Variants in HOXB3 observed in about 807,000 individuals in gnomAD.
HOXB3 encodes homeobox B3.
HOXB3 carries 17 observed loss-of-function variants against 29.2 expected under a neutral mutation model. The ratio of observed to expected loss-of-function variants is 0.58; its 90% CI spans 0.40 to 0.87. The LOEUF (loss-of-function observed/expected upper bound fraction) is 0.87, where lower values mean the gene tolerates loss of function less well. Ranked by LOEUF, HOXB3 falls within the 40% of genes least tolerant of loss-of-function variation. HOXB3 has a pLI of 0.00. For synonymous variants in HOXB3, 317 were observed against 285.9 expected (o/e 1.11, Z -1.10); for missense variants, 637 against 616.3 (o/e 1.03, Z -0.35).
chr17:48,587,024 C>T (rs190698104), intron 1 of HOXB3, among the ~76,000 whole-genome samples: 41 of 152,206 alleles, frequency 2.7e-4, no homozygotes, highest in African/African-American at 7.7e-4. Context: ...TTTAATCCCC[C>T]ACCCCGCCAA....
chr17:48,568,822 G>T (rs1163548665), intron 2 of HOXB3, among the ~76,000 whole-genome samples: 1 of 152,130 alleles, frequency 6.6e-6, no homozygotes, highest in Non-Finnish European at 1.5e-5. Flanking sequence ...GCCTCAATGG[G>T]CATAAACACA....
chr17:48,573,595 T>C (rs915157036), intron 2 of HOXB3, among the ~76,000 whole-genome samples: 2 of 152,178 alleles, frequency 1.3e-5, no homozygotes, highest in Admixed American at 1.3e-4. Flanking sequence ...TCATGGGCCC[T>C]GACACCTCAG....
At chr17:48,576,459 TTC>T (rs1468450160) in intron 1 of HOXB3, 2 of 383,552 alleles carry the variant, frequency 5.2e-6, no homozygotes, top group East Asian at 3.9e-5. Context: ...TTCTTGCTTT[TTC>T]TTTTTCTTTT....
chr17:48,550,053 A>C lies in HOXB3; in HGVS notation c.*281T>G. The C allele has an allele frequency of 1.3e-5, 5 of 393,368 alleles. No homozygotes were observed. The highest frequency in any genetic ancestry group is 5.0e-5 in the East Asian group (1 of 20,196). The allele number at this position is 393,368 out of a possible 1,614,324, so 24.4% of individuals were successfully genotyped here. On this transcript the variant is annotated 3_prime_UTR_variant, in exon 5 of 5. Transcript: ENST00000498678. ...CCTCTACCCCACTCCCGGGCGTGGA[A>C]TTCCAACTTGGTAGTGCTGGAGCCC...
chr17:48,574,096 T>C (rs1310962653), intron 1 of HOXB3, 82 bp from the exon 2 acceptor site: 7 of 558,742 alleles, frequency 1.3e-5, no homozygotes, highest in African/African-American at 9.5e-5. Context: ...TTCTCACATT[T>C]TTCTTAGCTC....
intron 1 of HOXB3, chr17:48,580,500 A>C (rs9893371): frequency 0.053 from 8,047 of 152,060 alleles, 285 homozygotes; most frequent in African/African-American, 0.1. Flanking sequence ...GGAAAAATTC[A>C]GTGGTAAAAA....
intron 1 of HOXB3, among the ~76,000 whole-genome samples, chr17:48,589,060 G>A (rs963308714): frequency 7.9e-5 from 12 of 152,124 alleles, no homozygotes; most frequent in African/African-American, 2.9e-4. Flanking sequence ...AATTTGGTGG[G>A]GAAGAAGCCT....
chr17:48,582,602 C>T (rs899253294), intron 1 of HOXB3: 7 of 152,206 alleles, frequency 4.6e-5, no homozygotes, highest in Admixed American at 3.3e-4. Flanking sequence ...CCAGCCTCCC[C>T]CACGAGCAGG....
intron 2 of HOXB3, among the ~76,000 whole-genome samples, chr17:48,567,083 A>G (rs1295001922): frequency 6.6e-6 from 1 of 152,028 alleles, no homozygotes; most frequent in Non-Finnish European, 1.5e-5. Flanking sequence ...CAGTGCCTCT[A>G]CCCATCCCAG....
chr17:48,580,602 G>A (rs1270022926), intron 1 of HOXB3: 1 of 152,186 alleles, frequency 6.6e-6, no homozygotes, highest in Non-Finnish European at 1.5e-5. Context: ...TACAACCTGA[G>A]AAAAGATCAA....
Position 48,552,193 on chromosome 17 carries a change from G to A in HOXB3, c.282C>T (p.Ala94=). 13 of 1,613,576 alleles carry A rather than the reference G, an allele frequency of 8.1e-6. No individual in the cohort carries two copies. The highest frequency in any genetic ancestry group is 1.3e-5 in the African/African-American group (1 of 75,042). ...TGTTGCTAGTGGCACTGGTAGGTGCGGCACTGGGCGGGGGTGAGCCAGGCG... is the reference window on the plus strand; with the variant it reads ...TGTTGCTAGTGGCACTGGTAGGTGCAGCACTGGGCGGGGGTGAGCCAGGCG... ...SAPPGSPPPS[A]APTSATSNSS... Residue 94 remains alanine (A), a synonymous_variant, in exon 4 of 5, where the codon GCC becomes GCT. Transcript: ENST00000498678.
chr17:48,568,681 C>T (rs1026129976), intron 2 of HOXB3, among the ~76,000 whole-genome samples: 12 of 151,794 alleles, frequency 7.9e-5, no homozygotes, highest in Admixed American at 2.6e-4. Flanking sequence ...GCTGGCATGC[C>T]GGCTGAGAAG....
chr17:48,584,701 C>T (rs1044601812), intron 1 of HOXB3, among the ~76,000 whole-genome samples: 2 of 152,188 alleles, frequency 1.3e-5, no homozygotes, highest in Non-Finnish European at 2.9e-5. Context: ...GGGTTCACCA[C>T]ACCCTTAAGC....
At chr17:48,569,651 C>T (rs749691100) in intron 2 of HOXB3, among the ~76,000 whole-genome samples, 15 of 152,310 alleles carry the variant, frequency 9.8e-5, no homozygotes, top group African/African-American at 3.4e-4. Context: ...GTGAGACCCA[C>T]TCCCTCTCTT....
intron 2 of HOXB3, among the ~76,000 whole-genome samples, chr17:48,562,059 C>G (rs1337140715): frequency 3.3e-5 from 5 of 152,178 alleles, no homozygotes; most frequent in Non-Finnish European, 7.3e-5. Context: ...ATGCCTGGCC[C>G]TCCCTTGCCC....
intron 2 of HOXB3, among the ~76,000 whole-genome samples, chr17:48,564,193 G>A (rs2069300478): frequency 6.6e-6 from 1 of 152,034 alleles, no homozygotes; most frequent in South Asian, 2.1e-4. Context: ...CGAGCGCCCC[G>A]GCTCCGCACC....
At chr17:48,560,053 C>T (rs2069141606) in intron 2 of HOXB3, 1 of 152,318 alleles carries the variant, frequency 6.6e-6, no homozygotes, top group African/African-American at 2.4e-5. Context: ...CACCTAGAAG[C>T]TCAGCCTTAG....
rs1474189281 is a variant in HOXB3, at chr17:48,572,246, T to A, written c.-247+1591A>T. Among the ~76,000 whole-genome samples the A allele has an allele frequency of 2.0e-5, 3 of 152,196 alleles. No homozygotes were observed. The East Asian group carries it at 5.8e-4, about 29-fold the overall frequency. On this transcript the variant is annotated intron_variant, in intron 2 of 4. Coordinates refer to ENST00000498678, the MANE Select transcript of HOXB3 (RefSeq NM_001384749.1). ...CCTCCCATTTCCCTTGCTCCTCTGG[T>A]GGGTGAGGCACTCCAAGGGCTTTTT...
chr17:48,584,953 G>A (rs1215469582), intron 1 of HOXB3, among the ~76,000 whole-genome samples: 2 of 33,588 alleles, frequency 6.0e-5, no homozygotes, highest in East Asian at 1.9e-3. Context: ...AGTCGCCTCC[G>A]CCGCTCCCAC....
Sources: allele counts gnomAD v4.1 joint callset (sites outside exome capture counted in the v4.1 genomes callset), GRCh38; gene constraint gnomAD v4.1.1; transcripts MANE v1.5; gene names NCBI Gene and HGNC (gene_info 2026-07-23, HGNC 2026-07-21).